The following NBPF15 variants were observed in gnomAD, a reference collection of about 807,000 sequenced individuals.
NBPF15 encodes the protein NBPF member 15.
In NBPF15, 74 loss-of-function variants were observed where a neutral mutation model predicts 62.2. The ratio of observed to expected loss-of-function variants is 1.19; its 90% CI spans 0.99 to 1.44. The LOEUF is 1.44. Ranked by LOEUF, NBPF15 falls within the 40% of genes most tolerant of loss-of-function variation. The pLI is 0.00. For synonymous variants in NBPF15, 244 were observed against 209.7 expected (o/e 1.16, Z -1.41); for missense variants, 790 against 550.0 (o/e 1.44, Z -4.36).
At chr1:144,426,155 G>A (rs1259880571) in intron 18 of NBPF15, 123 bp downstream of exon 18, 54 of 657,382 alleles carry the variant, frequency 8.2e-5, no homozygotes, top group Admixed American at 8.1e-4. Flanking sequence ...ACCTTTATGC[G>A]CCCATAGGTC....
chr1:144,444,837 T>C (rs1427980468), intron 6 of NBPF15, among the ~76,000 whole-genome samples: 1 of 151,958 alleles, frequency 6.6e-6, no homozygotes, highest in Non-Finnish European at 1.5e-5. Flanking sequence ...CCCCTCAGGT[T>C]GGTCTGGAAA....
rs1331185693 is a variant in NBPF15 at position 144,436,108 on chromosome 1, C to T, written c.494-255G>A. Among the ~76,000 whole-genome samples the T allele has an allele frequency of 5.3e-5, 8 of 152,126 alleles. No homozygotes were observed. In the East Asian group the frequency reaches 1.5e-3, roughly 29 times the overall value. On this transcript the variant is annotated intron_variant, in intron 10 of 21. Transcript: ENST00000581897. ...CTTTTGCTTCCCATATCACTGGAGG[C>T]TTGTGCAGCCTCTCTCTGGACATTG...
chr1:144,423,401 C>A, intron 21 of NBPF15, 145 bp from the exon 22 acceptor site: 8 of 1,534,218 alleles, frequency 5.2e-6, no homozygotes, highest in Non-Finnish European at 7.1e-6. Context: ...AAATTTATTG[C>A]CTTTATGTTG....
At chr1:144,447,257 C>T (rs1347700538) in intron 6 of NBPF15, among the ~76,000 whole-genome samples, 3 of 152,204 alleles carry the variant, frequency 2.0e-5, no homozygotes, top group East Asian at 3.9e-4. Flanking sequence ...CTCACCCATG[C>T]ATTTCTTAAT....
At position 144,427,063 on chromosome 1, in the gene NBPF15, C is replaced by A; in HGVS notation, c.1249G>T (p.Asp417Tyr). The A allele has an allele frequency of 2.8e-6, 2 of 708,188 alleles. No individual in the cohort carries two copies. The highest frequency in any genetic ancestry group is 2.0e-5 in the African/African-American group (1 of 51,250). The allele number at this position is 708,188 out of a possible 1,614,324, so 43.9% of individuals were successfully genotyped here. A position where few individuals can be genotyped will look rare whatever the true frequency, so the allele number is the denominator to read the frequency against. ...CAAAGTTACCTGGGGCATGATGGGT[C>A]TTGGTCTTCTTCCACTTCTTGGTAC... is the stretch of plus-strand genomic sequence containing the variant. The part of the protein sequence containing the change: ...EKYQEVEEDQ[D>Y]PSCPRLSREL... The change falls in exon 17 of 22, where the codon GAC becomes TAC. Residue 417 changes from aspartate to tyrosine, a missense_variant. Transcript: ENST00000581897.
rs1571098638 is a variant in NBPF15, at chr1:144,422,731, T to C, written c.*282A>G. ...CTGCAAAATGAAATCCCTGAGGAAT[T>C]TTGTAGCTACCCAGAGATACGTGGT... is the stretch of plus-strand genomic sequence containing the variant. On this transcript the variant is annotated 3_prime_UTR_variant, in exon 22 of 22. Transcript: ENST00000581897. 4 of 636,974 alleles carry C rather than the reference T, an allele frequency of 6.3e-6. No individual in the cohort carries two copies. In the East Asian group the frequency reaches 9.0e-5, roughly 14 times the overall value. 39.5% of individuals were successfully genotyped at this position (636,974 alleles called of 1,614,324 possible). A position where few individuals can be genotyped will look rare whatever the true frequency, so the allele number is the denominator to read the frequency against.
Position 144,427,832 on chromosome 1 carries a change from G to A in NBPF15, c.1199C>T (p.Ala400Val), listed in dbSNP as rs1670900556. The A allele has an allele frequency of 3.0e-5, 22 of 739,822 alleles. No individual in the cohort carries two copies. The highest frequency in any genetic ancestry group is 2.3e-4 in the South Asian group (16 of 68,518). 45.8% of individuals were successfully genotyped at this position (739,822 alleles called of 1,614,324 possible). A position where few individuals can be genotyped will look rare whatever the true frequency, so the allele number is the denominator to read the frequency against. ...YVLEQQRVGLAIDMDEIEKYQ... is the reference protein window; with the variant it reads ...YVLEQQRVGLVIDMDEIEKYQ... The stretch of plus-strand genomic sequence containing the variant: ...AAGGTACTCACCATCCATGTCAATA[G>A]CCAAGCCAACACGCTGTTGCTCCAA... Residue 400 changes from alanine (A) to valine (V), a missense_variant, in exon 16 of 22, where the codon GCT (alanine) becomes GTT (valine). Coordinates refer to ENST00000581897, the MANE Select transcript of NBPF15 (RefSeq NM_001385408.1).
chr1:144,442,747 G>A (rs1553543108), intron 6 of NBPF15: 1 of 199,048 alleles, frequency 5.0e-6, no homozygotes, highest in East Asian at 1.2e-4. Flanking sequence ...GGTTGGCAAA[G>A]ACTGGTCAAA....
chr1:144,461,291 C>A (rs1553548438), intron 1 of NBPF15, 90 bp downstream of exon 1: 1 of 151,828 alleles, frequency 6.6e-6, no homozygotes, highest in East Asian at 1.9e-4. Context: ...CCTCCCAACC[C>A]CCCACCCCGC....
chr1:144,451,277 C>T (rs868978925), intron 4 of NBPF15, among the ~76,000 whole-genome samples: 19 of 152,130 alleles, frequency 1.2e-4, no homozygotes, highest in Middle Eastern at 3.4e-3. Flanking sequence ...GTCCCACCTC[C>T]AGTCCTAAGG....
chr1:144,433,397 G>T (rs1675942715), intron 13 of NBPF15, among the ~76,000 whole-genome samples: 1 of 151,626 alleles, frequency 6.6e-6, no homozygotes, highest in Non-Finnish European at 1.5e-5. Flanking sequence ...AATAACGAGA[G>T]AAGCAAAGCA....
At chr1:144,461,126 G>C (rs1287130015) in intron 1 of NBPF15, among the ~76,000 whole-genome samples, 165 bp from the exon 2 acceptor site, 1 of 151,694 alleles carries the variant, frequency 6.6e-6, no homozygotes, top group Admixed American at 6.6e-5. Context: ...ACGAGGACGT[G>C]CCCCCGAAGC....
chr1:144,441,007 T>A (rs1682542202), intron 6 of NBPF15, among the ~76,000 whole-genome samples: 1 of 151,762 alleles, frequency 6.6e-6, no homozygotes, highest in Non-Finnish European at 1.5e-5. Context: ...GCCACTAATT[T>A]GTTTGATTGT....
chr1:144,428,880 T>A (rs1292127466), intron 14 of NBPF15, among the ~76,000 whole-genome samples: 1 of 152,050 alleles, frequency 6.6e-6, no homozygotes, highest in East Asian at 1.9e-4. Context: ...GAATGTTATC[T>A]TCCCTATGTG....
At chr1:144,427,198 G>A (rs1337513071) in intron 16 of NBPF15, 100 bp from the exon 17 acceptor site, 4 of 643,808 alleles carry the variant, frequency 6.2e-6, no homozygotes, top group East Asian at 5.4e-5. Context: ...AGGCTCCTCA[G>A]CATGAGAATA....
intron 15 of NBPF15, 75 bp downstream of exon 15, chr1:144,428,531 A>G (rs77692562): frequency 2.8e-6 from 2 of 706,976 alleles, no homozygotes; most frequent in Non-Finnish European, 5.1e-6. Flanking sequence ...TATTTTCAGC[A>G]TGTACTGTTT....
rs782504087 is a variant in NBPF15 at position 144,423,109 on chromosome 1, A to G, written c.1917T>C (p.His639=). The change falls in exon 22 of 22, where the codon CAT becomes CAC. Residue 639 remains histidine, a synonymous_variant. Transcript: ENST00000581897. ...RSVFYSFEEE[H]ISFALYVDNR... ...TGTCCACGTAAAGGGCGAAGCTGATATGCTCTTCCTCAAATGAGTAAAACA... is the reference window on the plus strand; with the variant it reads ...TGTCCACGTAAAGGGCGAAGCTGATGTGCTCTTCCTCAAATGAGTAAAACA... 232 of 1,610,828 alleles carry G rather than the reference A, an allele frequency of 1.4e-4. 6 individuals carry two copies. The highest frequency in any genetic ancestry group is 3.0e-4 in the Admixed American group (18 of 59,918).
At chr1:144,424,488 T>G (rs1460043458) in intron 20 of NBPF15, among the ~76,000 whole-genome samples, 1 of 152,046 alleles carries the variant, frequency 6.6e-6, no homozygotes, top group Non-Finnish European at 1.5e-5. Context: ...GGCCTGAGAC[T>G]AGGAAGAGAG....
intron 7 of NBPF15, 46 bp from the exon 8 acceptor site, chr1:144,440,084 A>G: frequency 6.3e-7 from 1 of 1,576,894 alleles, no homozygotes; most frequent in Non-Finnish European, 8.7e-7. Context: ...AAACTGGTGA[A>G]ATCAAATAGG....
Sources: gnomAD v4.1 joint callset for allele counts (sites outside exome capture counted in the v4.1 genomes callset) on GRCh38, gnomAD v4.1.1 for gene constraint, MANE v1.5 for transcripts, NCBI Gene and HGNC (gene_info 2026-07-23, HGNC 2026-07-21) for gene names.